Variants in SIPA1L3 observed in about 807,000 individuals in gnomAD.
The protein encoded by SIPA1L3 is signal-induced proliferation-associated 1-like protein 3.
SIPA1L3 carries 59 observed loss-of-function variants against 150.1 expected under a neutral mutation model. The observed-to-expected ratio is 0.39, with a 90% confidence interval of 0.32 to 0.49. The LOEUF (loss-of-function observed/expected upper bound fraction) is 0.49, where lower values mean the gene tolerates loss of function less well. Ranked by LOEUF, SIPA1L3 falls within the 20% of genes least tolerant of loss-of-function variation. The pLI, the probability that SIPA1L3 is intolerant of heterozygous loss-of-function variation, is 0.86. For synonymous variants in SIPA1L3, 1,070 were observed against 1,077.6 expected (o/e 0.99, Z 0.14); for missense variants, 2,211 against 2,489.5 (o/e 0.89, Z 2.38).
At chr19:38,178,581 T>C (rs576678327) in intron 15 of SIPA1L3, among the ~76,000 whole-genome samples, 28 of 152,174 alleles carry the variant, frequency 1.8e-4, no homozygotes, top group Non-Finnish European at 3.7e-4. Context: ...ATTCATGCCA[T>C]TCTCCTGCTT....
intron 1 of SIPA1L3, among the ~76,000 whole-genome samples, chr19:37,981,401 C>T (rs1409824344): frequency 2.1e-5 from 3 of 143,140 alleles, no homozygotes; most frequent in South Asian, 4.4e-4. Context: ...TCCAGTCTGG[C>T]GACAGAGGGA....
At chr19:38,069,405 G>T (rs955705808) in intron 2 of SIPA1L3, among the ~76,000 whole-genome samples, 2 of 152,108 alleles carry the variant, frequency 1.3e-5, no homozygotes, top group Admixed American at 1.3e-4. Context: ...CCACACCTGC[G>T]CTCCAGCCTC....
At chr19:38,002,281 G>A (rs1568496736) in intron 1 of SIPA1L3, among the ~76,000 whole-genome samples, 1 of 152,104 alleles carries the variant, frequency 6.6e-6, no homozygotes, top group Non-Finnish European at 1.5e-5. Context: ...TCTCCTATGA[G>A]TGGAATCATC....
chr19:38,045,018 A>G (rs551544279), intron 2 of SIPA1L3, among the ~76,000 whole-genome samples: 6 of 152,356 alleles, frequency 3.9e-5, no homozygotes, highest in African/African-American at 1.4e-4. Flanking sequence ...TGTTGTTACA[A>G]GTTAAATCCT....
intron 1 of SIPA1L3, among the ~76,000 whole-genome samples, chr19:37,933,684 A>G (rs2046575645): frequency 6.6e-6 from 1 of 152,118 alleles, no homozygotes; most frequent in Non-Finnish European, 1.5e-5. Flanking sequence ...GCATGTGCAG[A>G]TGCCTCCCCC....
In SIPA1L3 at chr19:38,082,477, G is replaced by A. The variant is rs1347291186; in HGVS notation, c.912G>A (p.Lys304=). 1.3e-6 allele frequency: 2 copies of A among 1,591,540 alleles called. No individual in the cohort carries two copies. The highest frequency in any genetic ancestry group is 1.7e-6 in the Non-Finnish European group (2 of 1,168,586). ...CGGTGGACTCGTCCATCTTTCGGAAGCTAAGGAGCAGCAAACCCGAGGGGG... is the reference window on the plus strand; with the variant it reads ...CGGTGGACTCGTCCATCTTTCGGAAACTAAGGAGCAGCAAACCCGAGGGGG... ...GDTVDSSIFR[K]LRSSKPEGEA... Residue 304 remains lysine, a synonymous_variant, in exon 3 of 22, where the codon AAG becomes AAA. Coordinates refer to ENST00000222345, the MANE Select transcript of SIPA1L3 (RefSeq NM_015073.3).
intron 1 of SIPA1L3, among the ~76,000 whole-genome samples, chr19:38,004,822 C>T (rs1248433729): frequency 6.6e-6 from 1 of 152,076 alleles, no homozygotes; most frequent in Non-Finnish European, 1.5e-5. Flanking sequence ...GCATTCTCTT[C>T]CTCACTTGTT....
intron 15 of SIPA1L3, 109 bp from the exon 16 acceptor site, chr19:38,182,410 C>T: frequency 1.2e-6 from 1 of 804,004 alleles, no homozygotes; most frequent in Non-Finnish European, 2.1e-6. Flanking sequence ...TTGTGTCTGT[C>T]TTGTGCAAAT....
At chr19:37,979,276 C>CAG (rs1425820659) in intron 1 of SIPA1L3, among the ~76,000 whole-genome samples, 1 of 152,086 alleles carries the variant, frequency 6.6e-6, no homozygotes, top group African/African-American at 2.4e-5. Context: ...TCGCCAGGCA[C>CAG]AGTGGCTCAC....
intron 10 of SIPA1L3, chr19:38,130,974 T>C: frequency 3.4e-6 from 2 of 595,726 alleles, no homozygotes; most frequent in East Asian, 5.7e-5. Flanking sequence ...GTTTAGCCCT[T>C]CATACGTGCA....
intron 1 of SIPA1L3, among the ~76,000 whole-genome samples, chr19:37,984,172 G>A (rs1033970488): frequency 7.9e-5 from 12 of 152,188 alleles, no homozygotes; most frequent in Non-Finnish European, 1.3e-4. Flanking sequence ...GCAGCGAGGC[G>A]GTTAAGGGCT....
At chr19:38,156,505 C>G (rs1304749345) in intron 13 of SIPA1L3, among the ~76,000 whole-genome samples, 1 of 149,782 alleles carries the variant, frequency 6.7e-6, no homozygotes, top group South Asian at 2.1e-4. Context: ...CACACGCCCA[C>G]ATGGATCAGG....
intron 2 of SIPA1L3, among the ~76,000 whole-genome samples, chr19:38,029,434 T>C (rs1377668523): frequency 6.6e-6 from 1 of 152,212 alleles, no homozygotes; most frequent in Non-Finnish European, 1.5e-5. Context: ...GGCTATGCAG[T>C]GCTTCTTGGC....
At chr19:38,064,405 A>G (rs1344528141) in intron 2 of SIPA1L3, among the ~76,000 whole-genome samples, 2 of 152,248 alleles carry the variant, frequency 1.3e-5, no homozygotes, top group Non-Finnish European at 2.9e-5. Context: ...ATTATATAAG[A>G]AAAAATGAAG....
chr19:38,082,678 T>TGCTTCGGCC lies in SIPA1L3; in HGVS notation c.1119_1127dup (p.Ala378_Ala380dup). The TGCTTCGGCC allele has an allele frequency of 1.9e-6, 3 of 1,608,188 alleles. No individual in the cohort carries two copies. Among genetic ancestry groups the TGCTTCGGCC allele is most frequent in the Non-Finnish European group, 2.5e-6 (3 of 1,178,730 alleles). ...CGCAGCGGCGGAACACCACCACGGG[T>TGCTTCGGCC]GCTTCGGCCGCTTCCGCCGCCTCGG... On this transcript the variant is annotated inframe_insertion, in exon 3 of 22. Coordinates refer to ENST00000222345, the MANE Select transcript of SIPA1L3 (RefSeq NM_015073.3).
intron 1 of SIPA1L3, among the ~76,000 whole-genome samples, chr19:37,948,295 G>A (rs142620520): frequency 1.3e-5 from 2 of 152,056 alleles, no homozygotes; most frequent in African/African-American, 4.8e-5. Flanking sequence ...ATGAAATCTT[G>A]TATCTACAAA....
At chr19:38,017,738 C>T (rs1226799402) in intron 1 of SIPA1L3, among the ~76,000 whole-genome samples, 2 of 151,860 alleles carry the variant, frequency 1.3e-5, no homozygotes, top group Non-Finnish European at 2.9e-5. Flanking sequence ...GCAGTGTTGC[C>T]CAGTCTGGCT....
chr19:38,166,700 C>T (rs1972219317), intron 15 of SIPA1L3, among the ~76,000 whole-genome samples: 1 of 152,084 alleles, frequency 6.6e-6, no homozygotes, highest in Non-Finnish European at 1.5e-5. Context: ...GAGTCCACAG[C>T]CCCACATCCC....
At chr19:38,027,918 T>C (rs901423368) in intron 1 of SIPA1L3, among the ~76,000 whole-genome samples, 17 of 152,108 alleles carry the variant, frequency 1.1e-4, no homozygotes, top group African/African-American at 3.9e-4. Flanking sequence ...ATGAAAGTAA[T>C]AATAGTATCT....
Sources: allele counts gnomAD v4.1 joint callset (sites outside exome capture counted in the v4.1 genomes callset), GRCh38; gene constraint gnomAD v4.1.1; transcripts MANE v1.5; gene names NCBI Gene and HGNC (gene_info 2026-07-23, HGNC 2026-07-21).